The following FUT9 variants were observed in gnomAD, a reference collection of about 807,000 sequenced individuals.
FUT9 encodes 4-galactosyl-N-acetylglucosaminide 3-alpha-L-fucosyltransferase 9.
FUT9 carries 15 observed loss-of-function variants against 29.7 expected under a neutral mutation model. The ratio of observed to expected loss-of-function variants is 0.51; its 90% CI spans 0.34 to 0.78. The LOEUF (loss-of-function observed/expected upper bound fraction) is 0.78. Among genes scored for constraint, FUT9 ranks in the 30% least tolerant of loss-of-function variants. The pLI is 0.01. For synonymous variants in FUT9, 169 were observed against 153.7 expected (o/e 1.10, Z -0.74); for missense variants, 319 against 425.4 (o/e 0.75, Z 2.20).
intron 2 of FUT9, among the ~76,000 whole-genome samples, chr6:96,157,058 A>G (rs967558049): frequency 6.6e-6 from 1 of 152,252 alleles, no homozygotes; most frequent in Non-Finnish European, 1.5e-5. Flanking sequence ...GCTTTTGCCT[A>G]AAAGCCTATC....
chr6:96,181,530 G>A (rs1183385798), intron 2 of FUT9, among the ~76,000 whole-genome samples: 1 of 151,436 alleles, frequency 6.6e-6, no homozygotes, highest in Non-Finnish European at 1.5e-5. Flanking sequence ...AGATTTTGGT[G>A]CACAAATCAC....
intron 1 of FUT9, among the ~76,000 whole-genome samples, chr6:96,063,392 A>G (rs1041532555): frequency 3.9e-5 from 6 of 152,164 alleles, no homozygotes; most frequent in Non-Finnish European, 8.8e-5. Context: ...AGCGCATCAC[A>G]TGGCAAAAGC....
intron 1 of FUT9, among the ~76,000 whole-genome samples, chr6:96,027,326 A>G (rs1231513206): frequency 1.3e-5 from 2 of 151,722 alleles, no homozygotes; most frequent in Non-Finnish European, 3.0e-5. Flanking sequence ...TGCATTAGAA[A>G]TTTCAAAGCA....
At chr6:96,138,094 C>G (rs1320420942) in intron 2 of FUT9, among the ~76,000 whole-genome samples, 1 of 152,148 alleles carries the variant, frequency 6.6e-6, no homozygotes, top group African/African-American at 2.4e-5. Context: ...CTCCCATATT[C>G]ATATTGCTTC....
At chr6:96,181,031 A>G (rs1000158510) in intron 2 of FUT9, among the ~76,000 whole-genome samples, 2 of 152,050 alleles carry the variant, frequency 1.3e-5, no homozygotes, top group African/African-American at 4.8e-5. Flanking sequence ...TTGAAAGTAG[A>G]TAGGTAAATA....
chr6:96,121,497 T>C (rs1772026559), intron 2 of FUT9, among the ~76,000 whole-genome samples: 1 of 152,164 alleles, frequency 6.6e-6, no homozygotes, highest in Non-Finnish European at 1.5e-5. Context: ...TGTTATCAAG[T>C]AGTTAGAATA....
intron 1 of FUT9, among the ~76,000 whole-genome samples, chr6:96,072,309 G>C (rs1403907665): frequency 6.6e-6 from 1 of 152,106 alleles, no homozygotes; most frequent in African/African-American, 2.4e-5. Flanking sequence ...TAAGCAGTCA[G>C]AGCATAGGAA....
In FUT9 at chr6:96,211,821, A is replaced by G. The variant is rs1037628674; in HGVS notation, c.*7586A>G. 9.1e-6 allele frequency: 3 copies of G among 329,314 alleles called. No homozygotes were observed. Among genetic ancestry groups the G allele is most frequent in the African/African-American group, 6.4e-5 (3 of 46,830 alleles). 20.4% of individuals were successfully genotyped at this position (329,314 alleles called of 1,614,324 possible). On this transcript the variant is annotated 3_prime_UTR_variant, in exon 3 of 3. Coordinates refer to ENST00000302103, the MANE Select transcript of FUT9 (RefSeq NM_006581.4). Reference sequence around the variant, plus strand: ...AGTAGTTTCTAATTGTGTTCCTTTAAAGAGTATTAGAAATGTCTGTTATGT... The same window carrying G: ...AGTAGTTTCTAATTGTGTTCCTTTAGAGAGTATTAGAAATGTCTGTTATGT...
At chr6:96,101,392 T>C (rs1771582886) in intron 1 of FUT9, among the ~76,000 whole-genome samples, 1 of 151,628 alleles carries the variant, frequency 6.6e-6, no homozygotes, top group South Asian at 2.1e-4. Context: ...TACAAAAACT[T>C]AGCCAGATGT....
At chr6:96,064,250 A>G (rs1272868649) in intron 1 of FUT9, among the ~76,000 whole-genome samples, 1 of 152,170 alleles carries the variant, frequency 6.6e-6, no homozygotes, top group East Asian at 1.9e-4. Flanking sequence ...ATAGTCTCAT[A>G]TCTTCATCAG....
intron 1 of FUT9, among the ~76,000 whole-genome samples, chr6:96,024,576 G>T (rs1424609225): frequency 6.6e-6 from 1 of 151,656 alleles, no homozygotes; most frequent in African/African-American, 2.4e-5. Context: ...AGGGTATGGG[G>T]TTTGTGACCT....
At chr6:96,085,376 T>C (rs1035641545) in intron 1 of FUT9, among the ~76,000 whole-genome samples, 1 of 152,204 alleles carries the variant, frequency 6.6e-6, no homozygotes, top group Non-Finnish European at 1.5e-5. Context: ...ACTGCGTCCT[T>C]GCATGGTGAA....
intron 1 of FUT9, among the ~76,000 whole-genome samples, chr6:96,056,697 A>G (rs1208046176): frequency 3.3e-5 from 5 of 152,092 alleles, no homozygotes; most frequent in Admixed American, 6.6e-5. Flanking sequence ...AGGCAGAGCT[A>G]TGATCGCACC....
At chr6:96,140,190 A>T (rs116272768) in intron 2 of FUT9, among the ~76,000 whole-genome samples, 3,498 of 152,256 alleles carry the variant, frequency 0.023, 151 homozygotes, top group African/African-American at 0.077. Flanking sequence ...CCTTTACTCC[A>T]GTTCCCAACG....
chr6:96,030,450 A>G (rs1437818550), intron 1 of FUT9, among the ~76,000 whole-genome samples: 1 of 151,578 alleles, frequency 6.6e-6, no homozygotes, highest in African/African-American at 2.4e-5. Flanking sequence ...ATGAAAACAG[A>G]ACAAACAAAC....
At chr6:96,175,696 T>G (rs553913834) in intron 2 of FUT9, among the ~76,000 whole-genome samples, 5 of 152,242 alleles carry the variant, frequency 3.3e-5, no homozygotes, top group Non-Finnish European at 5.9e-5. Flanking sequence ...TAAAATAAAT[T>G]TTACCTGGTG....
intron 1 of FUT9, among the ~76,000 whole-genome samples, chr6:96,108,576 C>G (rs997844148): frequency 6.6e-6 from 1 of 152,112 alleles, no homozygotes; most frequent in African/African-American, 2.4e-5. Context: ...CTCAGCATGA[C>G]CCAGGGGTTC....
chr6:96,035,707 A>AATTTATTATACTAATAAATATAACAT (rs1389225771), intron 1 of FUT9, among the ~76,000 whole-genome samples: 4 of 138,690 alleles, frequency 2.9e-5, no homozygotes, highest in Non-Finnish European at 4.6e-5. Context: ...TAATAAATAT[A>AATTTATTATACTAATAAATATAACAT]ATTTATTATA....
At chr6:96,077,415 A>G (rs983159323) in intron 1 of FUT9, among the ~76,000 whole-genome samples, 7 of 152,134 alleles carry the variant, frequency 4.6e-5, no homozygotes, top group African/African-American at 1.7e-4. Flanking sequence ...ATTAATGTGC[A>G]TGGTTTTCTA....
Sources: allele counts gnomAD v4.1 joint callset (sites outside exome capture counted in the v4.1 genomes callset), GRCh38; gene constraint gnomAD v4.1.1; transcripts MANE v1.5; gene names NCBI Gene and HGNC (gene_info 2026-07-23, HGNC 2026-07-21).